The following FDFT1 variants were observed in gnomAD, a reference collection of about 807,000 sequenced individuals.
FDFT1 encodes farnesyl-diphosphate farnesyltransferase 1.
A neutral mutation model predicts 46.8 loss-of-function variants in FDFT1; 68 were observed. That is an observed-to-expected ratio of 1.45 (90% confidence interval 1.19 to 1.78). FDFT1 has a LOEUF of 1.78. FDFT1 is among the 40% of genes most tolerant of loss of function. The pLI, the probability that FDFT1 is intolerant of heterozygous loss-of-function variation, is 0.00. For synonymous variants in FDFT1, 351 were observed against 185.1 expected, an observed-to-expected ratio of 1.90 and a Z score of -7.28; for missense variants, 928 against 524.4, an observed-to-expected ratio of 1.77 and a Z score of -7.52.
chr8:11,821,608 CAAA>C, intron 3 of FDFT1, 139 bp from the exon 4 acceptor site: 1 of 990,712 alleles, frequency 1.0e-6, no homozygotes, highest in Non-Finnish European at 1.5e-6. Flanking sequence ...AAAACAAAAA[CAAA>C]AAAAATGTGT....
At chr8:11,803,200 C>T (rs895666310) in intron 1 of FDFT1, 9 of 1,407,052 alleles carry the variant, frequency 6.4e-6, no homozygotes, top group African/African-American at 2.9e-5. Flanking sequence ...CCGTTTCGTC[C>T]CCTCCGTGAG....
In FDFT1 at chr8:11,803,134, C is replaced by T; in HGVS notation, c.99+203C>T. 4.2e-6 allele frequency: 6 copies of T among 1,427,266 alleles called. 1 individual carries two copies. The South Asian group carries it at 7.2e-5, about 17-fold the overall frequency. The allele number at this position is 1,427,266 out of a possible 1,614,324, so 88.4% of individuals were successfully genotyped here. On this transcript the variant is annotated intron_variant, in intron 1 of 7. Transcript: ENST00000220584. ...CGTCCTGGCTGACCTGTCCCTGCCC[C>T]CGCAAGCCGCCCTGGGCATGAGCGA...
upstream of FDFT1, among the ~76,000 whole-genome samples, chr8:11,798,687 T>TTTA (rs1485795780): frequency 6.6e-6 from 1 of 152,186 alleles, no homozygotes; most frequent in Non-Finnish European, 1.5e-5. Context: ...CTTTGCATTG[T>TTTA]TTAGGCACCA....
chr8:11,816,565 C>T (rs539797785), intron 3 of FDFT1, among the ~76,000 whole-genome samples: 4 of 152,216 alleles, frequency 2.6e-5, no homozygotes, highest in African/African-American at 9.6e-5. Flanking sequence ...TTGTAGTTCT[C>T]TTTGAAGAGG....
intron 3 of FDFT1, among the ~76,000 whole-genome samples, chr8:11,819,796 G>C (rs2409831): frequency 0.31 from 47,640 of 151,822 alleles, 8,483 homozygotes; most frequent in East Asian, 0.76. Context: ...AGAACGTGCT[G>C]CTTTAGCTTG....
At chr8:11,837,857 C>T (rs952733073) in intron 7 of FDFT1, among the ~76,000 whole-genome samples, 2 of 152,056 alleles carry the variant, frequency 1.3e-5, no homozygotes, top group Non-Finnish European at 2.9e-5. Flanking sequence ...TCTGCACATA[C>T]TTGGGAGGCT....
intron 1 of FDFT1, chr8:11,808,435 C>T (rs1398493440): frequency 1.4e-5 from 18 of 1,267,676 alleles, no homozygotes; most frequent in African/African-American, 1.6e-5. Context: ...GAGTAGAGGG[C>T]GAGCCCGTCC....
rs773666818 is a variant in FDFT1, at chr8:11,822,005, T to G, written c.510+127T>G. 8.3e-5 allele frequency: 90 copies of G among 1,089,426 alleles called. 1 individual carries two copies. The highest frequency in any genetic ancestry group is 1.1e-4 in the Non-Finnish European group (85 of 756,768). 67.5% of individuals were successfully genotyped at this position (1,089,426 alleles called of 1,614,324 possible). ...CCTCTGGTTTTACAATTCATCTGTTTAGGTTGAATGTCTCATCATAAACAG... is the reference window on the plus strand; with the variant it reads ...CCTCTGGTTTTACAATTCATCTGTTGAGGTTGAATGTCTCATCATAAACAG... On this transcript the variant is annotated intron_variant, in intron 4 of 7. Transcript: ENST00000220584.
In FDFT1 at chr8:11,830,155, G is replaced by T. The variant is rs143739288; in HGVS notation, c.703-89G>T. 3.9e-4 allele frequency: 428 copies of T among 1,110,162 alleles called. 4 individuals carry two copies. In the East Asian group the frequency reaches 9.1e-3, roughly 24 times the overall value. The allele number at this position is 1,110,162 out of a possible 1,614,324, so 68.8% of individuals were successfully genotyped here. ...GCCACGGCGCCCAGCCTGTATCATA[G>T]TTCTTATGCACAAAGACCCTTTAAT... On this transcript the variant is annotated intron_variant, in intron 5 of 7. Transcript: ENST00000220584.
intron 4 of FDFT1, among the ~76,000 whole-genome samples, chr8:11,825,144 C>CA (rs1422495580): frequency 6.6e-6 from 1 of 151,954 alleles, no homozygotes; most frequent in African/African-American, 2.4e-5. Context: ...TCAGATTGGT[C>CA]AAAAAAAGAT....
At chr8:11,797,552 G>A (rs764652394), upstream of FDFT1, among the ~76,000 whole-genome samples, 2 of 148,686 alleles carry the variant, frequency 1.3e-5, no homozygotes, top group Non-Finnish European at 3.0e-5. Flanking sequence ...ACAGCTACTA[G>A]GGAAGCTGAG....
intron 5 of FDFT1, among the ~76,000 whole-genome samples, chr8:11,827,641 A>C (rs1810184774): frequency 6.6e-6 from 1 of 152,212 alleles, no homozygotes; most frequent in Non-Finnish European, 1.5e-5. Flanking sequence ...CCCACAGAAA[A>C]ATGGGCAAGG....
chr8:11,818,761 C>T (rs898791035), intron 3 of FDFT1, among the ~76,000 whole-genome samples: 11 of 152,204 alleles, frequency 7.2e-5, no homozygotes, highest in Middle Eastern at 3.4e-3. Flanking sequence ...GCACGTGAGA[C>T]GGGTCTCCTG....
At chr8:11,807,257 C>A (rs909901200) in intron 1 of FDFT1, among the ~76,000 whole-genome samples, 1 of 152,182 alleles carries the variant, frequency 6.6e-6, no homozygotes, top group Non-Finnish European at 1.5e-5. Flanking sequence ...CCCACCTCAG[C>A]CTCCTGAGTA....
intron 7 of FDFT1, among the ~76,000 whole-genome samples, chr8:11,836,774 G>A (rs1038506084): frequency 3.3e-5 from 5 of 152,246 alleles, no homozygotes; most frequent in Non-Finnish European, 5.9e-5. Context: ...AGTGGCTCAC[G>A]CCTGTAATCC....
intron 1 of FDFT1, among the ~76,000 whole-genome samples, chr8:11,807,488 T>C (rs1437296444): frequency 6.6e-6 from 1 of 151,942 alleles, no homozygotes; most frequent in Admixed American, 6.6e-5. Context: ...TTCCAGTCTC[T>C]CCCAAAAAGA....
At chr8:11,834,523 G>A (rs907835072) in intron 7 of FDFT1, among the ~76,000 whole-genome samples, 4 of 152,170 alleles carry the variant, frequency 2.6e-5, no homozygotes, top group African/African-American at 9.7e-5. Flanking sequence ...AGCTGCTCAA[G>A]GATGGTCCCC....
Position 11,830,853 on chromosome 8 carries a change from A to G in FDFT1, c.879+433A>G, listed in dbSNP as rs545498596. Reference sequence around the variant, plus strand: ...GGTCCGGTAGACCTAGCCTCTCAGTATGCTAGGAACTTACACTTTTTAGTT... The same window carrying G: ...GGTCCGGTAGACCTAGCCTCTCAGTGTGCTAGGAACTTACACTTTTTAGTT... On this transcript the variant is annotated intron_variant, in intron 6 of 7. Coordinates refer to ENST00000220584, the MANE Select transcript of FDFT1 (RefSeq NM_004462.5). Among the ~76,000 whole-genome samples the G allele has an allele frequency of 6.6e-5, 10 of 152,344 alleles. 1 individual carries two copies. The East Asian group carries it at 1.9e-3, about 29-fold the overall frequency.
rs1811213493 is a variant in FDFT1 at position 11,833,999 on chromosome 8, A to G, written c.1032+2329A>G. Among the ~76,000 whole-genome samples, 3 of 152,222 alleles carry G rather than the reference A, an allele frequency of 2.0e-5. No individual in the cohort carries two copies. The South Asian group carries it at 6.2e-4, about 32-fold the overall frequency. On this transcript the variant is annotated intron_variant, in intron 7 of 7. Transcript: ENST00000220584. ...CATTTTACAAGTAAAGTTTTAAATG[A>G]AAACATTTTGTATGAAGCCACAAGT...
Sources: gnomAD v4.1 joint callset for allele counts (sites outside exome capture counted in the v4.1 genomes callset) on GRCh38, gnomAD v4.1.1 for gene constraint, MANE v1.5 for transcripts, NCBI Gene and HGNC (gene_info 2026-07-23, HGNC 2026-07-21) for gene names.